COL11A1: variants seen among roughly 807,000 people sequenced by gnomAD.
COL11A1 encodes collagen alpha-1(XI) chain.
COL11A1 carries 74 observed loss-of-function variants against 265.2 expected under a neutral mutation model. The observed-to-expected ratio is 0.28, with a 90% CI of 0.23 to 0.34. The LOEUF (loss-of-function observed/expected upper bound fraction) is 0.34. Among genes scored for constraint, COL11A1 ranks in the 10% least tolerant of loss-of-function variants. The pLI, the probability that COL11A1 is intolerant of heterozygous loss-of-function variation, is 1.00. For synonymous variants in COL11A1, 816 were observed against 727.6 expected (o/e 1.12, Z -1.96); for missense variants, 2,165 against 2,263.6 (o/e 0.96, Z 0.88).
chr1:102,995,880 C>G lies in COL11A1; in HGVS notation c.2324G>C (p.Gly775Ala). 3 of 1,610,618 alleles carry G rather than the reference C, an allele frequency of 1.9e-6. No individual in the cohort carries two copies. The highest frequency in any genetic ancestry group is 2.5e-6 in the Non-Finnish European group (3 of 1,178,280). The change falls in exon 28 of 67, where the codon GGA (glycine) becomes GCA (alanine). Residue 775 changes from glycine (G) to alanine (A), a missense_variant. Gly to Ala is a moderately conservative substitution (Grantham distance 60, BLOSUM62 0). Coordinates refer to ENST00000370096, the MANE Select transcript of COL11A1 (RefSeq NM_001854.4). Reference protein sequence around the residue: ...KGADGVRGLKGSKGEKGEDGF... With the variant: ...KGADGVRGLKASKGEKGEDGF... ...AAATTTTACCTTTTCACCTTTAGAT[C>G]CCTTGAGACCTCTGACACCATCTGC... is the stretch of plus-strand genomic sequence containing the variant.
rs1224491443 is a variant in COL11A1 at position 102,883,237 on chromosome 1, C to T, written c.4933G>A (p.Gly1645Ser). 3 of 1,613,446 alleles carry T rather than the reference C, an allele frequency of 1.9e-6. No homozygotes were observed. Among genetic ancestry groups the T allele is most frequent in the Non-Finnish European group, 2.5e-6 (3 of 1,179,722 alleles). ...FKVYCNFTSGGETCIYPDKKS... is the reference protein window; with the variant it reads ...FKVYCNFTSGSETCIYPDKKS... ...TTGTCTGGATAAATGCAAGTCTCAC[C>T]ACCAGATGTGAAATTACAGTAAACT... The change falls in exon 64 of 67, where the codon GGT becomes AGT. Residue 1645 changes from glycine to serine, a missense_variant. Transcript: ENST00000370096.
At chr1:103,107,509 C>A (rs1390632876) in intron 1 of COL11A1, among the ~76,000 whole-genome samples, 1 of 144,534 alleles carries the variant, frequency 6.9e-6, no homozygotes. Flanking sequence ...CCCCCAAACA[C>A]ACAGAGTGTT....
chr1:102,934,299 A>G, intron 46 of COL11A1, 150 bp downstream of exon 46: 1 of 637,786 alleles, frequency 1.6e-6, no homozygotes, highest in East Asian at 2.7e-5. Flanking sequence ...TCAGCTGCTC[A>G]TTTAAAAATA....
At chr1:102,989,222 C>A (rs1248755307) in intron 29 of COL11A1, among the ~76,000 whole-genome samples, 1 of 151,722 alleles carries the variant, frequency 6.6e-6, no homozygotes, top group East Asian at 1.9e-4. Flanking sequence ...TTCTAATGTC[C>A]TGTGTATAAA....
At chr1:103,097,312 T>G (rs1572521) in intron 1 of COL11A1, among the ~76,000 whole-genome samples, 145,954 of 151,928 alleles carry the variant, frequency 0.96, 70,362 homozygotes, top group Non-Finnish European at 1. Context: ...CCCCACTGCT[T>G]CTTCTCCAGA....
At chr1:102,986,929 G>A (rs1376311359) in intron 30 of COL11A1, among the ~76,000 whole-genome samples, 1 of 152,086 alleles carries the variant, frequency 6.6e-6, no homozygotes, top group East Asian at 1.9e-4. Context: ...AGTTGGGCCT[G>A]AATACCAGTA....
chr1:102,883,720 A>G (rs1419262171), intron 63 of COL11A1, among the ~76,000 whole-genome samples: 1 of 152,104 alleles, frequency 6.6e-6, no homozygotes. Context: ...TGTAATCAAT[A>G]TATTTTCTTC....
At position 102,990,159 on chromosome 1, in the gene COL11A1, T is replaced by C. The variant is rs114652354; in HGVS notation, c.2341-588A>G. On this transcript the variant is annotated intron_variant, in intron 28 of 66. Coordinates refer to ENST00000370096, the MANE Select transcript of COL11A1 (RefSeq NM_001854.4). The stretch of plus-strand genomic sequence containing the variant: ...GTGATTGTGCTACTGTACTCAAGCC[T>C]GGTGACAGAGCAAGAACTTCTCCCC... Among the ~76,000 whole-genome samples the C allele has an allele frequency of 6.8e-3, 1,031 of 152,166 alleles. 13 individuals carry two copies. Among genetic ancestry groups the C allele is most frequent in the African/African-American group, 0.024 (977 of 41,512 alleles).
intron 42 of COL11A1, among the ~76,000 whole-genome samples, chr1:102,941,503 C>A (rs1211507919): frequency 1.3e-5 from 2 of 152,206 alleles, no homozygotes; most frequent in Non-Finnish European, 2.9e-5. Context: ...TGCCCAAACA[C>A]ATCTAGCCTC....
chr1:102,940,459 T>A (rs1300596512), intron 42 of COL11A1, 25 bp from the exon 43 acceptor site: 1 of 1,560,122 alleles, frequency 6.4e-7, no homozygotes, highest in South Asian at 1.1e-5. Flanking sequence ...CAAAGATCAT[T>A]AATTTTACAG....
chr1:103,027,231 T>G (rs1667589319), intron 5 of COL11A1, among the ~76,000 whole-genome samples: 1 of 150,698 alleles, frequency 6.6e-6, no homozygotes. Flanking sequence ...ATGAGCAAAA[T>G]AGTGTGCTCA....
intron 24 of COL11A1, chr1:103,001,392 A>T (rs563504607): frequency 5.0e-6 from 2 of 400,154 alleles, no homozygotes; most frequent in East Asian, 7.1e-5. Context: ...AGGGGACAAA[A>T]TATTACTCAA....
At chr1:103,084,586 T>C (rs1481724524) in intron 1 of COL11A1, among the ~76,000 whole-genome samples, 1 of 122,974 alleles carries the variant, frequency 8.1e-6, no homozygotes. Flanking sequence ...ACATGAAATA[T>C]GCCATTTAGA....
At chr1:103,011,653 CAGATA>C (rs952654147) in intron 14 of COL11A1, among the ~76,000 whole-genome samples, 1 of 151,862 alleles carries the variant, frequency 6.6e-6, no homozygotes, top group Non-Finnish European at 1.5e-5. Flanking sequence ...ATGTACAATA[CAGATA>C]AGATTTTAAC....
rs569969923 is a variant in COL11A1 at position 102,880,861 on chromosome 1, C to T, written c.5040+836G>A. 7.0e-3 allele frequency among the ~76,000 whole-genome samples: 1,062 copies of T among 151,876 alleles called. 13 individuals are homozygous for T. Among genetic ancestry groups the T allele is most frequent in the African/African-American group, 0.024 (1,009 of 41,480 alleles). ...AAAAATCTACTGGGAAAATTCAATC[C>T]ACACACATAGAGTTCTATCTGTATA... On this transcript the variant is annotated intron_variant, in intron 65 of 66. Coordinates refer to ENST00000370096, the MANE Select transcript of COL11A1 (RefSeq NM_001854.4).
intron 32 of COL11A1, 74 bp downstream of exon 32, chr1:102,979,308 A>C (rs1662809535): frequency 9.1e-6 from 12 of 1,319,366 alleles, no homozygotes; most frequent in Non-Finnish European, 6.5e-6. Flanking sequence ...AATATCTGGG[A>C]ATACAGGCAC....
chr1:103,052,047 C>T (rs1376737663), intron 4 of COL11A1, among the ~76,000 whole-genome samples: 6 of 152,080 alleles, frequency 3.9e-5, no homozygotes, highest in Non-Finnish European at 8.8e-5. Flanking sequence ...AAGTTCCTCC[C>T]TCCCATTACC....
intron 22 of COL11A1, 69 bp from the exon 23 acceptor site, chr1:103,002,550 T>A: frequency 2.9e-6 from 4 of 1,361,560 alleles, no homozygotes; most frequent in Non-Finnish European, 4.1e-6. Flanking sequence ...TCTTCTCAAT[T>A]GGAAAATACC....
intron 42 of COL11A1, among the ~76,000 whole-genome samples, chr1:102,943,087 CACTG>C (rs140317924): frequency 0.014 from 2,111 of 152,086 alleles, 49 homozygotes; most frequent in African/African-American, 0.048. Flanking sequence ...TTAACTTTTC[CACTG>C]ACTATTTTCT....
Sources: gnomAD v4.1 joint callset for allele counts (sites outside exome capture counted in the v4.1 genomes callset) on GRCh38, gnomAD v4.1.1 for gene constraint, MANE v1.5 for transcripts, NCBI Gene and HGNC (gene_info 2026-07-23, HGNC 2026-07-21) for gene names.